JMY: variants seen among roughly 807,000 people sequenced by gnomAD.
The protein encoded by JMY is junction mediating and regulatory protein, p53 cofactor.
Under a neutral mutation model 103.3 loss-of-function variants are expected in JMY, and 46 were observed. The ratio of observed to expected loss-of-function variants is 0.45; its 90% confidence interval spans 0.35 to 0.57. JMY has a LOEUF of 0.57. Ranked by LOEUF, JMY falls within the 20% of genes least tolerant of loss-of-function variation. JMY has a pLI of 0.00. For missense variants in JMY, 1,238 were observed against 1,255.2 expected, an observed-to-expected ratio of 0.99 and a Z score of 0.21; for synonymous variants, 526 against 489.3, an observed-to-expected ratio of 1.07 and a Z score of -0.99.
intron 6 of JMY, among the ~76,000 whole-genome samples, chr5:79,305,793 A>C (rs1018388457): frequency 2.6e-5 from 4 of 152,224 alleles, no homozygotes; most frequent in Non-Finnish European, 5.9e-5. Flanking sequence ...TGTTTAAGCC[A>C]GTCTGGACAA....
chr5:79,292,757 C>G (rs1022218910), intron 4 of JMY, among the ~76,000 whole-genome samples: 2 of 152,074 alleles, frequency 1.3e-5, no homozygotes, highest in African/African-American at 4.8e-5. Flanking sequence ...AGAGGAAAAA[C>G]GAGCATGAAA....
At chr5:79,246,958 G>A (rs980995118) in intron 1 of JMY, among the ~76,000 whole-genome samples, 6 of 151,978 alleles carry the variant, frequency 3.9e-5, no homozygotes, top group African/African-American at 1.2e-4. Context: ...TCTAAACTTT[G>A]ATTAATATTT....
intron 1 of JMY, among the ~76,000 whole-genome samples, chr5:79,245,948 G>T (rs539715448): frequency 1.6e-4 from 25 of 152,074 alleles, no homozygotes; most frequent in Non-Finnish European, 1.2e-4. Flanking sequence ...CCATCTCCTT[G>T]CAGTAAGATG....
In JMY at chr5:79,270,537, ATATTTAAAATG is replaced by A. The variant is rs1398055709; in HGVS notation, c.1033-7369_1033-7359del. Among the ~76,000 whole-genome samples, 4 of 38,410 alleles carry A rather than the reference ATATTTAAAATG, an allele frequency of 1.0e-4. 2 individuals are homozygous for A. The highest frequency in any genetic ancestry group is 3.2e-4 in the Non-Finnish European group (4 of 12,630). The allele number at this position is 38,410 out of a possible 152,430, so 25.2% of individuals were successfully genotyped here. On this transcript the variant is annotated intron_variant, in intron 1 of 10. Transcript: ENST00000396137. ...ATATTTAAAATATATATTTACATAA[ATATTTAAAATG>A]TATATTTACATAAATATTTAAAATG...
At chr5:79,241,608 A>G (rs1744745578) in intron 1 of JMY, among the ~76,000 whole-genome samples, 1 of 152,270 alleles carries the variant, frequency 6.6e-6, no homozygotes, top group African/African-American at 2.4e-5. Context: ...GCCGAGTTTT[A>G]TATCTGTGGG....
At chr5:79,288,553 A>G (rs1746333404) in intron 2 of JMY, among the ~76,000 whole-genome samples, 1 of 151,794 alleles carries the variant, frequency 6.6e-6, no homozygotes, top group African/African-American at 2.4e-5. Flanking sequence ...ATAAAATTCT[A>G]CTCTTAATAT....
intron 10 of JMY, among the ~76,000 whole-genome samples, chr5:79,320,464 C>T (rs1188300534): frequency 6.6e-6 from 1 of 151,942 alleles, no homozygotes; most frequent in South Asian, 2.1e-4. Context: ...GGCGCACCAC[C>T]ATGCCCAGCT....
At chr5:79,258,775 G>A (rs542013932) in intron 1 of JMY, among the ~76,000 whole-genome samples, 16 of 152,278 alleles carry the variant, frequency 1.1e-4, no homozygotes, top group South Asian at 2.1e-4. Context: ...GGGTGTCACC[G>A]CTCTGGCTTG....
chr5:79,259,929 T>C (rs1279802592), intron 1 of JMY, among the ~76,000 whole-genome samples: 1 of 152,152 alleles, frequency 6.6e-6, no homozygotes, highest in Non-Finnish European at 1.5e-5. Flanking sequence ...TGCCCCTGGC[T>C]CCCACTGGCT....
intron 1 of JMY, among the ~76,000 whole-genome samples, chr5:79,263,038 C>A (rs1244245328): frequency 6.6e-6 from 1 of 152,144 alleles, no homozygotes; most frequent in East Asian, 1.9e-4. Context: ...GGTTCGCTTA[C>A]TGTTGAATTG....
chr5:79,288,194 T>C (rs1388192069), intron 2 of JMY, among the ~76,000 whole-genome samples: 1 of 152,202 alleles, frequency 6.6e-6, no homozygotes, highest in Non-Finnish European at 1.5e-5. Flanking sequence ...GACAACCTCA[T>C]ATGATAACAA....
At chr5:79,263,874 T>C (rs1193829891) in intron 1 of JMY, among the ~76,000 whole-genome samples, 1 of 151,624 alleles carries the variant, frequency 6.6e-6, no homozygotes, top group Admixed American at 6.6e-5. Flanking sequence ...CTCGGCTCAC[T>C]GCAGTCTCCG....
intron 1 of JMY, among the ~76,000 whole-genome samples, chr5:79,270,287 AATAT>A: frequency 6.9e-6 from 1 of 145,902 alleles, no homozygotes; most frequent in South Asian, 2.1e-4. Context: ...GTTTATATAA[AATAT>A]ATATTTACAT....
At chr5:79,253,971 A>G (rs1275450684) in intron 1 of JMY, among the ~76,000 whole-genome samples, 1 of 129,878 alleles carries the variant, frequency 7.7e-6, no homozygotes, top group East Asian at 2.4e-4. Flanking sequence ...TTTTAAAGAC[A>G]GAGTCTTGCT....
chr5:79,237,132 C>G lies in JMY; in HGVS notation c.482C>G (p.Ala161Gly). 1 of 1,546,562 alleles carries G rather than the reference C, an allele frequency of 6.5e-7. No homozygotes were observed. Among genetic ancestry groups the G allele is most frequent in the Non-Finnish European group, 8.7e-7 (1 of 1,145,020 alleles). The part of the protein sequence containing the change: ...GQKTSEADDA[A>G]GAAAAAARPA... ...AAAACATCTGAAGCCGACGATGCGG[C>G]GGGGGCAGCCGCTGCAGCAGCCCGG... is the stretch of plus-strand genomic sequence containing the variant. Residue 161 changes from alanine (A) to glycine (G), a missense_variant, in exon 1 of 11, where the codon GCG (alanine) becomes GGG (glycine). By Grantham distance (60) the Ala-to-Gly change is moderately conservative. Coordinates refer to ENST00000396137, the MANE Select transcript of JMY (RefSeq NM_152405.5).
Position 79,277,940 on chromosome 5 carries a change from A to C in JMY, c.1063A>C (p.Met355Leu). 6.2e-7 allele frequency: 1 copy of C among 1,614,022 alleles called. No individual in the cohort carries two copies. The highest frequency in any genetic ancestry group is 1.1e-5 in the South Asian group (1 of 91,030). The part of the protein sequence containing the change: ...LLDKHKNTES[M>L]VELLDLYQME... ...GGATAAGCACAAGAATACAGAGAGC[A>C]TGGTGGAGCTTCTGGACTTGTATCA... is the stretch of plus-strand genomic sequence containing the variant. The change falls in exon 2 of 11, where the codon ATG (methionine) becomes CTG (leucine). Residue 355 changes from methionine to leucine, a missense_variant. Coordinates refer to ENST00000396137, the MANE Select transcript of JMY (RefSeq NM_152405.5).
At position 79,324,126 on chromosome 5, in the gene JMY, A is replaced by C. The variant is rs1747554151; in HGVS notation, c.*2524A>C. 6.6e-6 allele frequency: 1 copy of C among 152,222 alleles called. No individual in the cohort carries two copies. Among genetic ancestry groups the C allele is most frequent in the Admixed American group, 6.5e-5 (1 of 15,280 alleles). The allele number at this position is 152,222 out of a possible 1,614,324, so 9.4% of individuals were successfully genotyped here. A position where few individuals can be genotyped will look rare whatever the true frequency, so the allele number is the denominator to read the frequency against. On this transcript the variant is annotated 3_prime_UTR_variant, in exon 11 of 11. Transcript: ENST00000396137. ...ATAAAATTTCAAATAACTAGGGTCT[A>C]CTTGTCCATCAAGATGACATTACCA... is the stretch of plus-strand genomic sequence containing the variant.
chr5:79,256,156 C>T (rs1438668146), intron 1 of JMY, among the ~76,000 whole-genome samples: 1 of 152,204 alleles, frequency 6.6e-6, no homozygotes, highest in East Asian at 1.9e-4. Flanking sequence ...TGGAGTCCTT[C>T]CCACTTTTCC....
intron 2 of JMY, among the ~76,000 whole-genome samples, chr5:79,288,055 A>G (rs960250463): frequency 6.6e-6 from 1 of 152,242 alleles, no homozygotes; most frequent in Non-Finnish European, 1.5e-5. Flanking sequence ...TCTTATAGCA[A>G]ACAACTCCAC....
Sources: allele counts gnomAD v4.1 joint callset (sites outside exome capture counted in the v4.1 genomes callset), GRCh38; gene constraint gnomAD v4.1.1; transcripts MANE v1.5; gene names NCBI Gene and HGNC (gene_info 2026-07-23, HGNC 2026-07-21).